The following LARGE1 variants were observed in gnomAD, a reference collection of about 807,000 sequenced individuals.
The protein encoded by LARGE1 is LARGE xylosyl- and glucuronyltransferase 1, also known as xylosyl- and glucuronyltransferase LARGE1.
Under a neutral mutation model 87.6 loss-of-function variants are expected in LARGE1, and 43 were observed. The observed-to-expected ratio is 0.49, with a 90% CI of 0.38 to 0.63. The LOEUF is 0.63. Ranked by LOEUF, LARGE1 falls within the 30% of genes least tolerant of loss-of-function variation. The pLI is 0.00. For synonymous variants in LARGE1, 434 were observed against 394.6 expected, an observed-to-expected ratio of 1.10 and a Z score of -1.18; for missense variants, 802 against 1,000.2, an observed-to-expected ratio of 0.80 and a Z score of 2.67.
downstream of LARGE1, among the ~76,000 whole-genome samples, chr22:33,157,620 C>T (rs1319177363): frequency 6.6e-6 from 1 of 152,168 alleles, no homozygotes; most frequent in South Asian, 2.1e-4. Flanking sequence ...TACTTCCATA[C>T]CACTATCAAC....
At chr22:33,223,313 A>T (rs374162601) in intron 11 of LARGE1, among the ~76,000 whole-genome samples, 1 of 152,222 alleles carries the variant, frequency 6.6e-6, no homozygotes, top group Non-Finnish European at 1.5e-5. Context: ...ATCCAGATTT[A>T]AAAAAACCGT....
chr22:33,273,806 C>T lies in LARGE1; in HGVS notation c.*621G>A. On this transcript the variant is annotated 3_prime_UTR_variant, in exon 15 of 15. Coordinates refer to ENST00000397394, the MANE Select transcript of LARGE1 (RefSeq NM_133642.5). The stretch of plus-strand genomic sequence containing the variant: ...CAGCCCCAAAAATAAACAAAACCCC[C>T]AAAGAAAAACAAAACAAAACAGGAG... 5.0e-6 allele frequency: 2 copies of T among 396,506 alleles called. No individual in the cohort carries two copies. Among genetic ancestry groups the T allele is most frequent in the Admixed American group, 4.4e-5 (1 of 22,842 alleles). The allele number at this position is 396,506 out of a possible 1,614,324, so 24.6% of individuals were successfully genotyped here. A position where few individuals can be genotyped will look rare whatever the true frequency, so the allele number is the denominator to read the frequency against.
intron 12 of LARGE1, among the ~76,000 whole-genome samples, chr22:33,290,292 A>C (rs951098382): frequency 2.6e-5 from 4 of 152,152 alleles, no homozygotes; most frequent in African/African-American, 7.2e-5. Flanking sequence ...AGACATAAGG[A>C]AACGCCGTGC....
At chr22:33,823,726 G>A (rs1463991575) in intron 1 of LARGE1, among the ~76,000 whole-genome samples, 1 of 152,178 alleles carries the variant, frequency 6.6e-6, no homozygotes. Context: ...CCCATAGATA[G>A]TGAGGAATTT....
At chr22:33,654,483 C>A (rs909446703) in intron 2 of LARGE1, among the ~76,000 whole-genome samples, 1 of 152,208 alleles carries the variant, frequency 6.6e-6, no homozygotes, top group African/African-American at 2.4e-5. Flanking sequence ...GGCCCTGCTG[C>A]CTTGCCAGAT....
chr22:33,308,803 C>T (rs1164875134), intron 11 of LARGE1, among the ~76,000 whole-genome samples: 2 of 152,114 alleles, frequency 1.3e-5, no homozygotes, highest in African/African-American at 4.8e-5. Context: ...CAAGCTCATT[C>T]CAGTTCTTGT....
At chr22:33,387,307 G>T (rs894063526) in intron 7 of LARGE1, among the ~76,000 whole-genome samples, 1 of 123,706 alleles carries the variant, frequency 8.1e-6, no homozygotes, top group African/African-American at 2.7e-5. Flanking sequence ...CACGCCTGTA[G>T]TCCCAGCTAC....
At chr22:33,461,063 A>T (rs1402697691) in intron 6 of LARGE1, among the ~76,000 whole-genome samples, 3 of 152,232 alleles carry the variant, frequency 2.0e-5, no homozygotes, top group Non-Finnish European at 2.9e-5. Context: ...ACATCAAACA[A>T]AAACTGCAGA....
At chr22:33,351,688 C>A (rs902516985) in intron 9 of LARGE1, among the ~76,000 whole-genome samples, 2 of 152,054 alleles carry the variant, frequency 1.3e-5, no homozygotes, top group African/African-American at 2.4e-5. Flanking sequence ...AATCCCTCCA[C>A]TTCCATTGCA....
Position 33,409,745 on chromosome 22 carries a change from C to T in LARGE1, c.892+22416G>A, listed in dbSNP as rs931215320. On this transcript the variant is annotated intron_variant, in intron 7 of 14. Coordinates refer to ENST00000397394, the MANE Select transcript of LARGE1 (RefSeq NM_133642.5). ...GTGTGGTGGCACACGCCTTTAGTCC[C>T]AGCTACTTGGGAGGCTGAGGCAGGA... is the stretch of plus-strand genomic sequence containing the variant. 8.6e-5 allele frequency among the ~76,000 whole-genome samples: 13 copies of T among 151,562 alleles called. No homozygotes were observed. The South Asian group carries it at 2.3e-3, about 27-fold the overall frequency.
At chr22:33,636,832 C>G (rs1217089783) in intron 3 of LARGE1, among the ~76,000 whole-genome samples, 1 of 152,078 alleles carries the variant, frequency 6.6e-6, no homozygotes, top group African/African-American at 2.4e-5. Context: ...ATGCCCAGCC[C>G]CATGTCAACT....
At chr22:33,157,012 C>T in the LARGE1 span, among the ~76,000 whole-genome samples, 2 of 152,166 alleles carry the variant, frequency 1.3e-5, no homozygotes, top group East Asian at 1.9e-4. Flanking sequence ...CACCTTCTGC[C>T]GTGATTGTGA....
At chr22:33,778,066 A>G (rs969659479) in intron 1 of LARGE1, among the ~76,000 whole-genome samples, 1 of 152,152 alleles carries the variant, frequency 6.6e-6, no homozygotes, top group Non-Finnish European at 1.5e-5. Flanking sequence ...ATGAAAGGAG[A>G]AGTCATCAAA....
intron 9 of LARGE1, among the ~76,000 whole-genome samples, chr22:33,359,282 T>C (rs897909855): frequency 8.5e-5 from 13 of 152,210 alleles, no homozygotes; most frequent in Admixed American, 7.9e-4. Flanking sequence ...ATCTCAGCTC[T>C]GTCATATTTA....
At chr22:33,810,864 C>T (rs757379557) in intron 1 of LARGE1, among the ~76,000 whole-genome samples, 2 of 152,020 alleles carry the variant, frequency 1.3e-5, no homozygotes, top group Non-Finnish European at 2.9e-5. Flanking sequence ...GCTGGGACTA[C>T]AGGTGTGCGC....
chr22:33,877,648 C>T (rs2157112), intron 1 of LARGE1, among the ~76,000 whole-genome samples: 52,733 of 151,792 alleles, frequency 0.35, 10,519 homozygotes, highest in Non-Finnish European at 0.45. Flanking sequence ...ACAGGCTGGG[C>T]ACGGTGGCTC....
chr22:33,477,643 A>G (rs1285781674), intron 6 of LARGE1, among the ~76,000 whole-genome samples: 1 of 152,160 alleles, frequency 6.6e-6, no homozygotes. Flanking sequence ...AATGCCAGTG[A>G]GCTCCGCCAG....
At chr22:33,750,848 A>G (rs1276002047) in intron 2 of LARGE1, 1 of 152,202 alleles carries the variant, frequency 6.6e-6, no homozygotes, top group Admixed American at 6.5e-5. Context: ...CATAGGGTGA[A>G]TATCTGTCCA....
intron 2 of LARGE1, among the ~76,000 whole-genome samples, chr22:33,742,670 A>T (rs771169253): frequency 6.6e-5 from 10 of 152,248 alleles, no homozygotes; most frequent in Non-Finnish European, 1.5e-4. Context: ...AACCACGCAG[A>T]TGCTTCAGCT....
Sources: gnomAD v4.1 joint callset for allele counts (sites outside exome capture counted in the v4.1 genomes callset) on GRCh38, gnomAD v4.1.1 for gene constraint, MANE v1.5 for transcripts, NCBI Gene and HGNC (gene_info 2026-07-23, HGNC 2026-07-21) for gene names.